The following BBS9 variants were observed in gnomAD, a reference collection of about 807,000 sequenced individuals.
BBS9 encodes the protein protein PTHB1.
In BBS9, 89 loss-of-function variants were observed where a neutral mutation model predicts 117.7. The observed-to-expected ratio is 0.76, with a 90% CI of 0.64 to 0.90. BBS9 has a LOEUF of 0.90. BBS9 is among the 40% of genes least tolerant of loss of function. The probability of loss-of-function intolerance (pLI) is 0.00; values close to 1 mark genes in which losing one functional copy is unlikely to be tolerated. For synonymous variants in BBS9, 379 were observed against 370.9 expected (o/e 1.02, Z -0.25); for missense variants, 982 against 1,042.2 (o/e 0.94, Z 0.80).
chr7:33,204,231 C>A (rs1786470645), intron 5 of BBS9, among the ~76,000 whole-genome samples: 1 of 137,848 alleles, frequency 7.3e-6, no homozygotes, highest in Non-Finnish European at 1.6e-5. Context: ...ATGTTGAAAC[C>A]CCGTCTCTAC....
At chr7:33,453,544 G>A (rs1833138) in intron 19 of BBS9, among the ~76,000 whole-genome samples, 25,902 of 147,558 alleles carry the variant, frequency 0.18, 2,478 homozygotes, top group South Asian at 0.21. Flanking sequence ...TTTCTGAGAT[G>A]GAGTTTTGCT....
In BBS9 at chr7:33,152,847, G is replaced by A. The variant is rs1255605179; in HGVS notation, c.259G>A (p.Val87Ile). ...ACTTCAAGTGGAAGTAGGAAAGTTT[G>A]TTTCGTAAGTAAGCCCACTAATTCT... The part of the protein sequence containing the change: ...PVLQVEVGKF[V>I]SGTEMLHLAV... Residue 87 changes from valine (V) to isoleucine (I), a missense_variant, in exon 3 of 23, where the codon GTT becomes ATT. Val to Ile is a conservative substitution (Grantham distance 29). Coordinates refer to ENST00000242067, the MANE Select transcript of BBS9 (RefSeq NM_198428.3). 1 of 1,613,804 alleles carries A rather than the reference G, an allele frequency of 6.2e-7. No individual in the cohort carries two copies. The highest frequency in any genetic ancestry group is 1.7e-5 in the Admixed American group (1 of 60,012).
chr7:33,134,262 A>G (rs7459365), intron 1 of BBS9, among the ~76,000 whole-genome samples: 12,968 of 134,000 alleles, frequency 0.097, 607 homozygotes, highest in South Asian at 0.14. Flanking sequence ...ATGGGGTTTC[A>G]CCATGTTGGC....
intron 12 of BBS9, among the ~76,000 whole-genome samples, chr7:33,345,134 A>C (rs979386772): frequency 6.6e-6 from 1 of 152,220 alleles, no homozygotes; most frequent in African/African-American, 2.4e-5. Flanking sequence ...TTACAGCAAG[A>C]AAATATTGAA....
chr7:33,411,824 G>A (rs183840557), intron 19 of BBS9, among the ~76,000 whole-genome samples: 14 of 152,246 alleles, frequency 9.2e-5, no homozygotes, highest in Admixed American at 8.5e-4. Context: ...GCTACTCTGT[G>A]TAGGGGTCTT....
intron 18 of BBS9, 120 bp from the exon 19 acceptor site, chr7:33,387,872 T>C: frequency 8.9e-7 from 1 of 1,125,406 alleles, no homozygotes; most frequent in Non-Finnish European, 1.3e-6. Context: ...TTCCCTTAAC[T>C]CTATAATGCA....
At chr7:33,348,600 A>G (rs1205003279) in intron 12 of BBS9, among the ~76,000 whole-genome samples, 1 of 152,156 alleles carries the variant, frequency 6.6e-6, no homozygotes, top group Non-Finnish European at 1.5e-5. Context: ...GTGAAGTTAT[A>G]TGTTAAATTT....
At chr7:33,632,199 G>A (rs1865922465) in intron 21 of BBS9, among the ~76,000 whole-genome samples, 1 of 152,046 alleles carries the variant, frequency 6.6e-6, no homozygotes, top group South Asian at 2.1e-4. Context: ...TCCTGTCCTC[G>A]GTGTTACTTG....
At chr7:33,192,670 A>G (rs562241071) in intron 5 of BBS9, among the ~76,000 whole-genome samples, 3 of 152,314 alleles carry the variant, frequency 2.0e-5, no homozygotes, top group Non-Finnish European at 4.4e-5. Flanking sequence ...ATACCAAAAC[A>G]CCTGAGACTG....
At position 33,539,690 on chromosome 7, in the gene BBS9, C is replaced by G. The variant is rs74919397; in HGVS notation, c.2521+5514C>G. Among the ~76,000 whole-genome samples, 329 of 152,340 alleles carry G rather than the reference C, an allele frequency of 2.2e-3. 1 individual carries two copies. Among genetic ancestry groups the G allele is most frequent in the African/African-American group, 7.5e-3 (312 of 41,582 alleles). On this transcript the variant is annotated intron_variant, in intron 21 of 22. Transcript: ENST00000242067. ...TGCAAGTTATTTTCATCAGAAACATCTATCATGTCATCATTGTTGTCAGTT... is the reference window on the plus strand; with the variant it reads ...TGCAAGTTATTTTCATCAGAAACATGTATCATGTCATCATTGTTGTCAGTT...
At chr7:33,214,676 A>G (rs1243622328) in intron 5 of BBS9, among the ~76,000 whole-genome samples, 2 of 152,168 alleles carry the variant, frequency 1.3e-5, no homozygotes, top group Non-Finnish European at 2.9e-5. Context: ...AAACTATAAA[A>G]CACTGATGAG....
intron 20 of BBS9, among the ~76,000 whole-genome samples, chr7:33,510,573 T>G (rs898163202): frequency 6.6e-6 from 1 of 152,144 alleles, no homozygotes; most frequent in Non-Finnish European, 1.5e-5. Context: ...CATACCTCAC[T>G]AAGCAAAACA....
At chr7:33,135,215 G>T (rs76536160) in intron 1 of BBS9, among the ~76,000 whole-genome samples, 1 of 152,072 alleles carries the variant, frequency 6.6e-6, no homozygotes, top group Non-Finnish European at 1.5e-5. Context: ...TATTGCTCAC[G>T]TTTCTGGTGT....
intron 9 of BBS9, among the ~76,000 whole-genome samples, chr7:33,290,968 T>C (rs1803931495): frequency 6.6e-6 from 1 of 152,204 alleles, no homozygotes; most frequent in Non-Finnish European, 1.5e-5. Flanking sequence ...TAGTTATTTA[T>C]GCTAATTTCA....
rs1797498630 is a variant in BBS9, at chr7:33,177,492, G to GGGACCC, written c.343_344insGGACCC (p.Val115delinsGlyThrLeu). 4 of 1,604,762 alleles carry GGGACCC rather than the reference G, an allele frequency of 2.5e-6. No individual in the cohort carries two copies. The highest frequency in any genetic ancestry group is 3.4e-6 in the Non-Finnish European group (4 of 1,173,522). On this transcript the variant is annotated protein_altering_variant, in exon 5 of 23. Coordinates refer to ENST00000242067, the MANE Select transcript of BBS9 (RefSeq NM_198428.3). The stretch of plus-strand genomic sequence containing the variant: ...TTTTTCCTTAGGAACCTTGGGTAAT[G>GGGACCC]TGGAACATGGGAACCAATGTCAGAT...
chr7:33,383,234 C>G (rs1002175672), intron 17 of BBS9, among the ~76,000 whole-genome samples: 7 of 152,270 alleles, frequency 4.6e-5, no homozygotes, highest in Non-Finnish European at 8.8e-5. Flanking sequence ...GTGAATTATG[C>G]TGATTGCAGT....
chr7:33,401,900 A>C (rs951584039), intron 19 of BBS9, among the ~76,000 whole-genome samples: 4 of 152,162 alleles, frequency 2.6e-5, no homozygotes, highest in African/African-American at 9.7e-5. Flanking sequence ...ATTTGGGGTA[A>C]AATATTTTGA....
intron 3 of BBS9, among the ~76,000 whole-genome samples, chr7:33,153,616 T>TA: frequency 6.6e-6 from 1 of 152,220 alleles, no homozygotes; most frequent in Non-Finnish European, 1.5e-5. Flanking sequence ...TACATTTGTT[T>TA]ATCATAATTT....
chr7:33,137,367 T>C (rs1036200044), intron 1 of BBS9, among the ~76,000 whole-genome samples: 1 of 152,142 alleles, frequency 6.6e-6, no homozygotes, highest in Non-Finnish European at 1.5e-5. Context: ...GAGCTGTGAT[T>C]GGGTAGCTGC....
Sources: allele counts gnomAD v4.1 joint callset (sites outside exome capture counted in the v4.1 genomes callset), GRCh38; gene constraint gnomAD v4.1.1; transcripts MANE v1.5; gene names NCBI Gene and HGNC (gene_info 2026-07-23, HGNC 2026-07-21).